The following APCDD1L variants were observed in gnomAD, a reference collection of about 807,000 sequenced individuals.
APCDD1L encodes the protein APC down-regulated 1 like.
Under a neutral mutation model 24.2 loss-of-function variants are expected in APCDD1L, and 21 were observed. That is an observed-to-expected ratio of 0.87 (90% CI 0.61 to 1.25). The LOEUF is 1.25. APCDD1L is among the 50% of genes most tolerant of loss of function. The probability of loss-of-function intolerance (pLI) is 0.00; values close to 1 mark genes in which losing one functional copy is unlikely to be tolerated. For synonymous variants in APCDD1L, 321 were observed against 323.6 expected (o/e 0.99, Z 0.09); for missense variants, 704 against 711.7 (o/e 0.99, Z 0.12).
intron 1 of APCDD1L, among the ~76,000 whole-genome samples, chr20:58,489,078 G>C (rs940853068): frequency 1.3e-5 from 2 of 152,080 alleles, no homozygotes; most frequent in African/African-American, 4.8e-5. Flanking sequence ...AGATCCAGCA[G>C]GTTTTTATAA....
At chr20:58,502,962 A>G (rs1476158649) in intron 1 of APCDD1L, among the ~76,000 whole-genome samples, 1 of 152,144 alleles carries the variant, frequency 6.6e-6, no homozygotes, top group Non-Finnish European at 1.5e-5. Flanking sequence ...AACAATAATG[A>G]ATGTCCTGGG....
intron 1 of APCDD1L, among the ~76,000 whole-genome samples, chr20:58,480,846 T>G (rs2123155297): frequency 6.6e-6 from 1 of 152,230 alleles, no homozygotes; most frequent in Middle Eastern, 3.4e-3. Flanking sequence ...TCCCACCCAG[T>G]TGGAAACTGG....
chr20:58,479,154 T>C (rs187680611), intron 1 of APCDD1L, among the ~76,000 whole-genome samples: 8 of 152,274 alleles, frequency 5.3e-5, no homozygotes, highest in East Asian at 3.9e-4. Flanking sequence ...CTAGTAGCCA[T>C]GTTAAAAAAG....
intron 1 of APCDD1L, among the ~76,000 whole-genome samples, chr20:58,485,799 C>T (rs1193999086): frequency 6.6e-6 from 1 of 152,202 alleles, no homozygotes; most frequent in Non-Finnish European, 1.5e-5. Context: ...ATAAATTATA[C>T]TTTTTCATAA....
intron 1 of APCDD1L, among the ~76,000 whole-genome samples, chr20:58,487,598 A>T (rs1484853626): frequency 6.6e-6 from 1 of 152,220 alleles, no homozygotes; most frequent in Non-Finnish European, 1.5e-5. Flanking sequence ...AATTATAGGG[A>T]CACAGAAAGT....
intron 1 of APCDD1L, among the ~76,000 whole-genome samples, chr20:58,483,278 C>G (rs550868629): frequency 6.6e-6 from 1 of 151,932 alleles, no homozygotes; most frequent in African/African-American, 2.4e-5. Flanking sequence ...GCGGCTGGTG[C>G]GGAGGGAGGC....
Position 58,470,685 on chromosome 20 carries a change from GGCA to G in APCDD1L, c.109_111del (p.Cys37del). The G allele has an allele frequency of 6.4e-7, 1 of 1,557,854 alleles. No homozygotes were observed. Among genetic ancestry groups the G allele is most frequent in the South Asian group, 1.2e-5 (1 of 84,698 alleles). On this transcript the variant is annotated inframe_deletion, in exon 2 of 4. Transcript: ENST00000371149. ...GGCACTCTATCTGGCAAGGGCTGCTGGCAGTGGGGTTCCCAGCGCAGGCAGCTG... is the reference window on the plus strand; with the variant it reads ...GGCACTCTATCTGGCAAGGGCTGCTGGTGGGGTTCCCAGCGCAGGCAGCTG...
intron 1 of APCDD1L, among the ~76,000 whole-genome samples, chr20:58,512,777 T>C (rs1990652505): frequency 6.6e-6 from 1 of 152,174 alleles, no homozygotes; most frequent in Non-Finnish European, 1.5e-5. Flanking sequence ...AAAGAGCTTT[T>C]CAAAGAAGCG....
At chr20:58,481,076 C>T (rs1001030675) in intron 1 of APCDD1L, among the ~76,000 whole-genome samples, 1 of 152,196 alleles carries the variant, frequency 6.6e-6, no homozygotes, top group African/African-American at 2.4e-5. Flanking sequence ...CCACCTGGTG[C>T]TTGGAGGAGC....
intron 1 of APCDD1L, among the ~76,000 whole-genome samples, chr20:58,496,899 G>T (rs1320004255): frequency 1.3e-5 from 2 of 152,212 alleles, no homozygotes; most frequent in Admixed American, 6.5e-5. Flanking sequence ...GACCCCCTAC[G>T]AGCGGCACTG....
At chr20:58,502,293 G>T (rs1484539377) in intron 1 of APCDD1L, among the ~76,000 whole-genome samples, 1 of 152,138 alleles carries the variant, frequency 6.6e-6, no homozygotes, top group Non-Finnish European at 1.5e-5. Flanking sequence ...TAGAAAGGAG[G>T]TTTCACCATG....
At chr20:58,482,870 A>G (rs1990049117) in intron 1 of APCDD1L, among the ~76,000 whole-genome samples, 1 of 152,168 alleles carries the variant, frequency 6.6e-6, no homozygotes, top group African/African-American at 2.4e-5. Context: ...GCCTCCTTCC[A>G]TCTGCACTTA....
intron 1 of APCDD1L, among the ~76,000 whole-genome samples, chr20:58,471,603 T>C (rs1378827616): frequency 6.6e-6 from 1 of 152,196 alleles, no homozygotes; most frequent in Non-Finnish European, 1.5e-5. Context: ...GGAGTGGGAC[T>C]GTTCACGATC....
Position 58,460,110 on chromosome 20 carries a change from A to C in APCDD1L, c.*680T>G, listed in dbSNP as rs1343790336. 6.6e-6 allele frequency: 1 copy of C among 152,240 alleles called. No individual in the cohort carries two copies. The highest frequency in any genetic ancestry group is 1.5e-5 in the Non-Finnish European group (1 of 68,078). The allele number at this position is 152,240 out of a possible 1,614,324, so 9.4% of individuals were successfully genotyped here. A position where few individuals can be genotyped will look rare whatever the true frequency, so the allele number is the denominator to read the frequency against. On this transcript the variant is annotated 3_prime_UTR_variant, in exon 4 of 4. Coordinates refer to ENST00000371149, the MANE Select transcript of APCDD1L (RefSeq NM_153360.3). This position sits in a 1 kb window ranked among gnomAD's most constrained non-coding sequence, Gnocchi z 4.2. The stretch of plus-strand genomic sequence containing the variant: ...GCCCGGGAAAACTGGATTTATCCAC[A>C]TGCAGTGTTGGCAGCTTGAGGTCCG...
intron 1 of APCDD1L, among the ~76,000 whole-genome samples, chr20:58,492,677 A>T (rs1990242355): frequency 1.3e-5 from 2 of 152,276 alleles, no homozygotes; most frequent in South Asian, 2.1e-4. Context: ...TCTGTGAATC[A>T]CAATCAGAAA....
At chr20:58,514,511 C>T in intron 1 of APCDD1L, 148 bp downstream of exon 1, 1 of 824,110 alleles carries the variant, frequency 1.2e-6, no homozygotes. Flanking sequence ...CCAGGTGAGA[C>T]TGGAGAAAGG....
chr20:58,482,954 G>T (rs1026480077), intron 1 of APCDD1L, among the ~76,000 whole-genome samples: 1 of 152,172 alleles, frequency 6.6e-6, no homozygotes, highest in African/African-American at 2.4e-5. Context: ...GAGCAGAGAG[G>T]CATCTACAAG....
Position 58,495,024 on chromosome 20 carries a change from C to T in APCDD1L, c.49+19635G>A, listed in dbSNP as rs568366508. On this transcript the variant is annotated intron_variant, in intron 1 of 3. Coordinates refer to ENST00000371149, the MANE Select transcript of APCDD1L (RefSeq NM_153360.3). The stretch of plus-strand genomic sequence containing the variant: ...CCTGGAGCCTGCTGCCCCCTGCACT[C>T]CTCCATAAACAATAGTGGGTCACTG... 2.8e-3 allele frequency among the ~76,000 whole-genome samples: 420 copies of T among 152,324 alleles called. 1 individual carries two copies. Among genetic ancestry groups the T allele is most frequent in the Middle Eastern group, 6.8e-3 (2 of 294 alleles).
At position 58,467,028 on chromosome 20, in the gene APCDD1L, A is replaced by G. The variant is rs1760812838; in HGVS notation, c.741+78T>C. On this transcript the variant is annotated intron_variant, in intron 3 of 3. Coordinates refer to ENST00000371149, the MANE Select transcript of APCDD1L (RefSeq NM_153360.3). The surrounding 1 kb of genome is among the most constrained non-coding windows in gnomAD (Gnocchi z 5.9). Reference sequence around the variant, plus strand: ...GCCCTGGGCAGGCCCAGGTCTTGCAAAGCTGCGGGGCTGGGTTCCGAGCTC... The same window carrying G: ...GCCCTGGGCAGGCCCAGGTCTTGCAGAGCTGCGGGGCTGGGTTCCGAGCTC... 1.3e-6 allele frequency: 2 copies of G among 1,495,198 alleles called. No homozygotes were observed. The highest frequency in any genetic ancestry group is 1.8e-6 in the Non-Finnish European group (2 of 1,127,740). 92.6% of individuals were successfully genotyped at this position (1,495,198 alleles called of 1,614,324 possible).
Sources: gnomAD v4.1 joint callset for allele counts (sites outside exome capture counted in the v4.1 genomes callset) on GRCh38, gnomAD v4.1.1 for gene constraint, Gnocchi (gnomAD v3.1) non-coding constraint, MANE v1.5 for transcripts, NCBI Gene and HGNC (gene_info 2026-07-23, HGNC 2026-07-21) for gene names.